The following EHBP1 variants were observed in gnomAD, a reference collection of about 807,000 sequenced individuals.
EHBP1 encodes the protein EH domain binding protein 1.
Under a neutral mutation model 144.0 loss-of-function variants are expected in EHBP1, and 55 were observed. That is an observed-to-expected ratio of 0.38 (90% CI 0.31 to 0.48). The LOEUF (loss-of-function observed/expected upper bound fraction) is 0.48, where lower values mean the gene tolerates loss of function less well. Among genes scored for constraint, EHBP1 ranks in the 20% least tolerant of loss-of-function variants. The pLI, the probability that EHBP1 is intolerant of heterozygous loss-of-function variation, is 0.98. For missense variants in EHBP1, 1,200 were observed against 1,364.2 expected (o/e 0.88, Z 1.90); for synonymous variants, 469 against 472.7 (o/e 0.99, Z 0.10).
intron 2 of EHBP1, among the ~76,000 whole-genome samples, chr2:62,729,341 TAA>T (rs1412598257): frequency 7.8e-6 from 1 of 127,750 alleles, no homozygotes; most frequent in Non-Finnish European, 1.6e-5. Flanking sequence ...ATAATATATA[TAA>T]TATATATAAT....
intron 5 of EHBP1, among the ~76,000 whole-genome samples, chr2:62,808,002 T>C (rs2044647554): frequency 6.6e-6 from 1 of 151,686 alleles, no homozygotes; most frequent in African/African-American, 2.4e-5. Context: ...GGGAGATCAC[T>C]TGGGGCCAGG....
intron 21 of EHBP1, 128 bp downstream of exon 21, chr2:63,038,944 C>T (rs999839558): frequency 4.1e-6 from 3 of 731,788 alleles, no homozygotes; most frequent in Non-Finnish European, 6.8e-6. Flanking sequence ...CAAATAAATG[C>T]CGTGGAGGCA....
chr2:62,812,493 T>A (rs1319294148), intron 5 of EHBP1, among the ~76,000 whole-genome samples: 1 of 152,140 alleles, frequency 6.6e-6, no homozygotes, highest in Non-Finnish European at 1.5e-5. Context: ...ACAAGAGCTG[T>A]AGGGAGAGCC....
In EHBP1 at chr2:62,949,158, T is replaced by G. The variant is rs1370023179; in HGVS notation, c.2312T>G (p.Val771Gly). The G allele has an allele frequency of 5.8e-6, 9 of 1,545,362 alleles. 1 individual carries two copies. The Admixed American group carries it at 1.8e-4, about 30-fold the overall frequency. Reference sequence around the variant, plus strand: ...CATGCAGATCATTCATCAAAAATAGTCCAGGTAAGTGAGTTAGAATGCTGA... The same window carrying G: ...CATGCAGATCATTCATCAAAAATAGGCCAGGTAAGTGAGTTAGAATGCTGA... ...LNHADHSSKIVQHRLLSRQEE... is the reference protein window; with the variant it reads ...LNHADHSSKIGQHRLLSRQEE... Residue 771 changes from valine (V) to glycine (G), a missense_variant, in exon 13 of 23, where the codon GTC (valine) becomes GGC (glycine). Val to Gly is a moderately radical substitution (Grantham distance 109). Coordinates refer to ENST00000431489, the MANE Select transcript of EHBP1 (RefSeq NM_001142616.3).
rs180871002 is a variant in EHBP1, at chr2:62,936,948, T to G, written c.1186-5770T>G. 2.0e-5 allele frequency among the ~76,000 whole-genome samples: 3 copies of G among 152,280 alleles called. No homozygotes were observed. In the East Asian group the frequency reaches 5.8e-4, roughly 29 times the overall value. The stretch of plus-strand genomic sequence containing the variant: ...AGAATTAGTAGTTGAGAGACCAAAA[T>G]GTGCTACAACTTTAGCAATGTTAGT... On this transcript the variant is annotated intron_variant, in intron 10 of 22. Coordinates refer to ENST00000431489, the MANE Select transcript of EHBP1 (RefSeq NM_001142616.3).
chr2:62,995,463 T>A (rs1380970063), intron 18 of EHBP1, among the ~76,000 whole-genome samples: 1 of 152,134 alleles, frequency 6.6e-6, no homozygotes, highest in Non-Finnish European at 1.5e-5. Flanking sequence ...ATGAGAATTC[T>A]AAAATATGCT....
intron 19 of EHBP1, 95 bp downstream of exon 19, chr2:62,996,861 T>C: frequency 6.5e-7 from 1 of 1,537,300 alleles, no homozygotes; most frequent in Middle Eastern, 1.7e-4. Context: ...GAAGCCTGAA[T>C]GTTCAGCAAA....
intron 5 of EHBP1, among the ~76,000 whole-genome samples, chr2:62,794,511 A>G (rs2043402034): frequency 6.6e-6 from 1 of 152,034 alleles, no homozygotes; most frequent in Admixed American, 6.5e-5. Flanking sequence ...AAAAGTAAAA[A>G]CACTTTAAGT....
intron 13 of EHBP1, among the ~76,000 whole-genome samples, chr2:62,953,945 C>A (rs894902507): frequency 6.6e-6 from 1 of 152,120 alleles, no homozygotes; most frequent in African/African-American, 2.4e-5. Flanking sequence ...TAAAGATGAT[C>A]CCTCATTTCA....
chr2:62,955,691 G>A (rs951608457), intron 14 of EHBP1, 31 bp downstream of exon 14: 3 of 1,574,834 alleles, frequency 1.9e-6, no homozygotes, highest in African/African-American at 1.4e-5. Flanking sequence ...AAGACCATAA[G>A]TTGTTCATTG....
chr2:62,808,087 T>G (rs940492799), intron 5 of EHBP1, among the ~76,000 whole-genome samples: 1 of 151,698 alleles, frequency 6.6e-6, no homozygotes, highest in Non-Finnish European at 1.5e-5. Flanking sequence ...GTACATTATA[T>G]GCCTAGGTGT....
At chr2:62,841,131 A>G (rs1219595115) in intron 7 of EHBP1, among the ~76,000 whole-genome samples, 1 of 152,208 alleles carries the variant, frequency 6.6e-6, no homozygotes. Flanking sequence ...AAAATGTGGC[A>G]CATATACACC....
At chr2:62,777,717 G>C (rs2042143252) in intron 5 of EHBP1, among the ~76,000 whole-genome samples, 2 of 152,158 alleles carry the variant, frequency 1.3e-5, no homozygotes, top group South Asian at 4.1e-4. Flanking sequence ...AAGTAGTGAA[G>C]TGTCAGAGAG....
At chr2:62,706,427 A>T (rs1343536612) in intron 1 of EHBP1, 2 of 152,242 alleles carry the variant, frequency 1.3e-5, no homozygotes, top group Admixed American at 1.3e-4. Flanking sequence ...CCTCCCTCCG[A>T]CTGAAAAATA....
chr2:63,009,738 A>G (rs545515703), intron 19 of EHBP1, among the ~76,000 whole-genome samples: 19 of 151,552 alleles, frequency 1.3e-4, no homozygotes, highest in Non-Finnish European at 2.5e-4. Context: ...GTACTGCTGT[A>G]CAGTAGTCCC....
chr2:62,871,535 G>A (rs1262996471), intron 9 of EHBP1, among the ~76,000 whole-genome samples: 1 of 152,176 alleles, frequency 6.6e-6, no homozygotes, highest in African/African-American at 2.4e-5. Context: ...TTAATTACTT[G>A]TTTAGTATTT....
At chr2:62,954,087 C>T (rs1425753545) in intron 13 of EHBP1, among the ~76,000 whole-genome samples, 1 of 152,082 alleles carries the variant, frequency 6.6e-6, no homozygotes, top group Non-Finnish European at 1.5e-5. Context: ...TATTTCTATC[C>T]TTATTTTATA....
chr2:63,045,001 G>A lies in EHBP1; in HGVS notation c.3278-65G>A. 1.6e-6 allele frequency: 2 copies of A among 1,223,690 alleles called. No homozygotes were observed. The highest frequency in any genetic ancestry group is 2.3e-6 in the Non-Finnish European group (2 of 858,442). 75.8% of individuals were successfully genotyped at this position (1,223,690 alleles called of 1,614,324 possible). On this transcript the variant is annotated intron_variant, in intron 21 of 22. Transcript: ENST00000431489. This position sits in a 1 kb window ranked among gnomAD's most constrained non-coding sequence, Gnocchi z 5.7. ...AAGGAAACTGGAAAAGGCGGGAAGG[G>A]GAGGGCGGGGGGCCGGGTGTTCGGA... is the stretch of plus-strand genomic sequence containing the variant.
intron 19 of EHBP1, among the ~76,000 whole-genome samples, chr2:63,023,014 A>G (rs2060822505): frequency 6.6e-6 from 1 of 152,072 alleles, no homozygotes; most frequent in Non-Finnish European, 1.5e-5. Flanking sequence ...TCTCTACTAA[A>G]TATTCAATAA....
Sources: gnomAD v4.1 joint callset for allele counts (sites outside exome capture counted in the v4.1 genomes callset) on GRCh38, gnomAD v4.1.1 for gene constraint, Gnocchi (gnomAD v3.1) non-coding constraint, MANE v1.5 for transcripts, NCBI Gene and HGNC (gene_info 2026-07-23, HGNC 2026-07-21) for gene names.